Variants in ENO1 observed in about 807,000 individuals in gnomAD.
The protein encoded by ENO1 is enolase 1, also known as alpha-enolase.
Under a neutral mutation model 46.3 loss-of-function variants are expected in ENO1, and 33 were observed. The observed-to-expected ratio is 0.71, with a 90% confidence interval of 0.54 to 0.95. The LOEUF (loss-of-function observed/expected upper bound fraction) is 0.95, where lower values mean the gene tolerates loss of function less well. Among genes scored for constraint, ENO1 ranks in the 40% least tolerant of loss-of-function variants. ENO1 has a pLI of 0.00. For synonymous variants in ENO1, 220 were observed against 216.0 expected, an observed-to-expected ratio of 1.02 and a Z score of -0.16; for missense variants, 488 against 553.3, an observed-to-expected ratio of 0.88 and a Z score of 1.18.
intron 2 of ENO1, among the ~76,000 whole-genome samples, chr1:8,873,057 T>G (rs1176946586): frequency 6.6e-6 from 1 of 152,242 alleles, no homozygotes; most frequent in East Asian, 1.9e-4. Context: ...CACTGCAGTG[T>G]GCGCTATCAA....
intron 4 of ENO1, among the ~76,000 whole-genome samples, chr1:8,868,769 T>A (rs1642574271): frequency 6.6e-6 from 1 of 152,180 alleles, no homozygotes; most frequent in Non-Finnish European, 1.5e-5. Flanking sequence ...CACTGCAACC[T>A]CCACCTCGTG....
intron 6 of ENO1, 146 bp downstream of exon 6, chr1:8,866,971 C>T: frequency 2.4e-6 from 3 of 1,264,054 alleles, no homozygotes; most frequent in Non-Finnish European, 1.1e-6. Context: ...GTTGAGTTAC[C>T]TGCTCAAGGT....
At chr1:8,875,320 AG>A (rs1642713614) in intron 1 of ENO1, among the ~76,000 whole-genome samples, 1 of 151,162 alleles carries the variant, frequency 6.6e-6, no homozygotes. Flanking sequence ...AAAAAAAAAA[AG>A]AGAGAGAAAA....
chr1:8,862,154 T>TAAAA (rs1465449252), intron 11 of ENO1, among the ~76,000 whole-genome samples: 1 of 150,986 alleles, frequency 6.6e-6, no homozygotes, highest in Non-Finnish European at 1.5e-5. Context: ...CTCAAAAAAA[T>TAAAA]AAAAATAAAA....
At chr1:8,871,395 G>A in intron 3 of ENO1, 4 of 995,126 alleles carry the variant, frequency 4.0e-6, no homozygotes, top group Non-Finnish European at 4.8e-6. Context: ...CTCTGCCACA[G>A]AGCAGGGCTC....
chr1:8,871,305 T>C, intron 3 of ENO1: 2 of 994,706 alleles, frequency 2.0e-6, no homozygotes, highest in Non-Finnish European at 1.2e-6. Context: ...TGCTTTTCTG[T>C]AATTTGGCCA....
intron 1 of ENO1, among the ~76,000 whole-genome samples, chr1:8,877,082 A>G (rs1642750577): frequency 6.6e-6 from 1 of 151,360 alleles, no homozygotes; most frequent in Non-Finnish European, 1.5e-5. Flanking sequence ...CTCCGCCTCC[A>G]GAGTAGCTGG....
intron 1 of ENO1, chr1:8,877,926 C>A (rs1363784749): frequency 1.3e-5 from 2 of 152,126 alleles, no homozygotes; most frequent in Non-Finnish European, 2.9e-5. Context: ...TGGTGGCCAG[C>A]CGGGGAGCCG....
chr1:8,875,652 G>C (rs1018337256), intron 1 of ENO1: 1 of 152,234 alleles, frequency 6.6e-6, no homozygotes. Context: ...TCTGAGTTTG[G>C]AAGTCAGGAA....
chr1:8,871,888 T>G lies in ENO1; in HGVS notation c.181+3A>C. The G allele has an allele frequency of 6.2e-7, 1 of 1,613,582 alleles. No homozygotes were observed. On this transcript the variant is annotated splice_donor_region_variant and intron_variant, in intron 3 of 11. Transcript: ENST00000234590. ...GCCATGGGCTGTGGGTTCTAAGGCT[T>G]ACCCTTCCCCATATAGCGAGTCTTA...
intron 7 of ENO1, chr1:8,865,989 AG>A: frequency 2.8e-6 from 1 of 362,436 alleles, no homozygotes. Context: ...CCAAACTAGT[AG>A]GTATCACTTG....
At chr1:8,872,668 C>A (rs1413589981) in intron 2 of ENO1, among the ~76,000 whole-genome samples, 2 of 152,136 alleles carry the variant, frequency 1.3e-5, no homozygotes, top group African/African-American at 4.8e-5. Context: ...CAGGCATGAG[C>A]CACCATGCCC....
At chr1:8,868,722 G>A (rs967663325) in intron 4 of ENO1, among the ~76,000 whole-genome samples, 7 of 152,158 alleles carry the variant, frequency 4.6e-5, no homozygotes, top group African/African-American at 1.7e-4. Context: ...GTCTCATTCT[G>A]TTGCCAAGGC....
chr1:8,866,507 G>GAGAGC lies in ENO1; in HGVS notation c.445-11_445-7dup. ...CCATTGATGACATTGAACGCCTGGG[G>GAGAGC]AGAGCAGAGCAGAGAAGCATGGCAC... On this transcript the variant is annotated splice_polypyrimidine_tract_variant and splice_region_variant and intron_variant, in intron 6 of 11. Transcript: ENST00000234590. 1 of 1,614,144 alleles carries GAGAGC rather than the reference G, an allele frequency of 6.2e-7. No homozygotes were observed. Among genetic ancestry groups the GAGAGC allele is most frequent in the Non-Finnish European group, 8.5e-7 (1 of 1,180,038 alleles).
intron 2 of ENO1, among the ~76,000 whole-genome samples, 197 bp downstream of exon 2, chr1:8,874,627 G>C (rs540599286): frequency 2.8e-5 from 4 of 142,618 alleles, no homozygotes; most frequent in African/African-American, 1.1e-4. Context: ...AAAATAAGCC[G>C]AGAAACAGCA....
intron 4 of ENO1, chr1:8,870,167 C>G (rs534759380): frequency 1.4e-5 from 6 of 444,386 alleles, no homozygotes; most frequent in South Asian, 7.8e-5. Context: ...CTCTTAAAAT[C>G]TGGATCTTAA....
At chr1:8,866,893 A>G (rs1389691533) in intron 6 of ENO1, among the ~76,000 whole-genome samples, 1 of 152,214 alleles carries the variant, frequency 6.6e-6, no homozygotes, top group African/African-American at 2.4e-5. Flanking sequence ...ACAGCCTAGC[A>G]AGGAAAGTAC....
intron 4 of ENO1, among the ~76,000 whole-genome samples, chr1:8,869,429 C>T (rs200351729): frequency 1.3e-5 from 2 of 151,860 alleles, no homozygotes; most frequent in Non-Finnish European, 2.9e-5. Context: ...CCTAAACCAA[C>T]GAGTCAGGGA....
chr1:8,871,808 C>A, intron 3 of ENO1, 83 bp downstream of exon 3: 1 of 1,457,452 alleles, frequency 6.9e-7, no homozygotes, highest in African/African-American at 1.4e-5. Flanking sequence ...AGTGCAAGTG[C>A]CACCCAGAGA....
Sources: allele counts gnomAD v4.1 joint callset (sites outside exome capture counted in the v4.1 genomes callset), GRCh38; gene constraint gnomAD v4.1.1; transcripts MANE v1.5; gene names NCBI Gene and HGNC (gene_info 2026-07-23, HGNC 2026-07-21).